Variants in COL1A1 observed in about 807,000 individuals in gnomAD.
COL1A1 encodes collagen type I alpha 1 chain, also known as collagen alpha-1(I) chain.
Under a neutral mutation model 195.7 loss-of-function variants are expected in COL1A1, and 21 were observed. That is an observed-to-expected ratio of 0.11 (90% confidence interval 0.08 to 0.15). The LOEUF is 0.15. COL1A1 is among the 10% of genes least tolerant of loss of function. COL1A1 has a pLI of 1.00. For synonymous variants in COL1A1, 749 were observed against 747.3 expected (o/e 1.00, Z -0.04); for missense variants, 1,365 against 2,051.0 (o/e 0.67, Z 6.46).
Position 50,185,163 on chromosome 17 carries a change from T to A in COL1A1, c.*339A>T, listed in dbSNP as rs1906368375. ...GGAGCAGAAAGGGCAGCATTGGGGT[T>A]TCATAAGCCCAACGGGCAGAAAGGG... On this transcript the variant is annotated 3_prime_UTR_variant, in exon 51 of 51. Transcript: ENST00000225964. 2 of 339,328 alleles carry A rather than the reference T, an allele frequency of 5.9e-6. No individual in the cohort carries two copies. Among genetic ancestry groups the A allele is most frequent in the South Asian group, 4.1e-5 (1 of 24,106 alleles). 21.0% of individuals were successfully genotyped at this position (339,328 alleles called of 1,614,324 possible).
rs768896689 is a variant in COL1A1, at chr17:50,187,105, A to G, written c.3441T>C (p.Ala1147=). The G allele has an allele frequency of 9.3e-6, 15 of 1,611,254 alleles. No homozygotes were observed. In the Admixed American group the frequency reaches 2.2e-4, roughly 24 times the overall value. Residue 1147 remains alanine (A), a synonymous_variant, in exon 47 of 51, where the codon GCT becomes GCC. Transcript: ENST00000225964. The part of the protein sequence containing the change: ...PAGPRGPPGS[A]GAPGKDGLNG... ...TGAGTCCATCTTTGCCAGGAGCACC[A>G]GCAGAGCCAGGGGGACCCTGGAGTG...
intron 1 of COL1A1, 105 bp from the exon 2 acceptor site, chr17:50,200,052 C>T (rs1452703270): frequency 1.6e-6 from 2 of 1,212,294 alleles, no homozygotes; most frequent in East Asian, 2.3e-5. Context: ...CACTTCCCGC[C>T]CCTCCCCCCG....
chr17:50,194,309 CAGGGCCTGGCCA>C lies in COL1A1; in HGVS notation c.1614+28_1614+39del, dbSNP rs1370735587. 1 of 1,609,958 alleles carries C rather than the reference CAGGGCCTGGCCA, an allele frequency of 6.2e-7. No individual in the cohort carries two copies. The highest frequency in any genetic ancestry group is 8.5e-7 in the Non-Finnish European group (1 of 1,176,592). On this transcript the variant is annotated intron_variant, in intron 23 of 50. Transcript: ENST00000225964. This position sits in a 1 kb window ranked among gnomAD's most constrained non-coding sequence, Gnocchi z 6.8. ...CATCCCAGACCCTACACGGGATGGT[CAGGGCCTGGCCA>C]AGCCAGGCTGAAAGCCTGGGGCCTC...
In COL1A1 at chr17:50,194,055, G is replaced by T; in HGVS notation, c.1669-14C>A. 1 of 1,613,008 alleles carries T rather than the reference G, an allele frequency of 6.2e-7. No homozygotes were observed. Among genetic ancestry groups the T allele is most frequent in the Non-Finnish European group, 8.5e-7 (1 of 1,179,060 alleles). The stretch of plus-strand genomic sequence containing the variant: ...ACCGGCGGGACCCTAAGGATGGGAG[G>T]CACGAAAGCAGCAGTGAGGACAGCA... On this transcript the variant is annotated splice_polypyrimidine_tract_variant and intron_variant, in intron 24 of 50. Coordinates refer to ENST00000225964, the MANE Select transcript of COL1A1 (RefSeq NM_000088.4). The surrounding 1 kb of genome is among the most constrained non-coding windows in gnomAD (Gnocchi z 6.8).
rs750152461 is a variant in COL1A1 at position 50,189,945 on chromosome 17, C to A, written c.2560-33G>T. ...AGAGCACAGAGGCATCAAGCCTGGA[C>A]CCGTCCTGGGTCCCAGCCCACCAGC... On this transcript the variant is annotated intron_variant, in intron 36 of 50. Coordinates refer to ENST00000225964, the MANE Select transcript of COL1A1 (RefSeq NM_000088.4). The surrounding 1 kb of genome is among the most constrained non-coding windows in gnomAD (Gnocchi z 5.5). 6.2e-7 allele frequency: 1 copy of A among 1,611,708 alleles called. No homozygotes were observed. The highest frequency in any genetic ancestry group is 1.1e-5 in the South Asian group (1 of 90,982).
chr17:50,195,873 A>G lies in COL1A1; in HGVS notation c.1056+50T>C, dbSNP rs1211604481. 1 of 1,549,084 alleles carries G rather than the reference A, an allele frequency of 6.5e-7. No individual in the cohort carries two copies. Among genetic ancestry groups the G allele is most frequent in the Non-Finnish European group, 8.7e-7 (1 of 1,143,072 alleles). The stretch of plus-strand genomic sequence containing the variant: ...TTGGTTTGGGGAACAGGGAGACATG[A>G]ACCCCTTGGCCCATGAGGGTCATGC... On this transcript the variant is annotated intron_variant, in intron 16 of 50. Coordinates refer to ENST00000225964, the MANE Select transcript of COL1A1 (RefSeq NM_000088.4). This position sits in a 1 kb window ranked among gnomAD's most constrained non-coding sequence, Gnocchi z 4.3.
chr17:50,199,458 G>A lies in COL1A1; in HGVS notation c.334-5C>T, dbSNP rs115997082. ...GCCAGTGTCTCCCTTGGGTCCCTGT[G>A]GGATTGGGGGAGAAGAAACAAGAGG... On this transcript the variant is annotated splice_region_variant and splice_polypyrimidine_tract_variant and intron_variant, in intron 3 of 50. Transcript: ENST00000225964. 48 of 1,614,066 alleles carry A rather than the reference G, an allele frequency of 3.0e-5. No homozygotes were observed. The highest frequency in any genetic ancestry group is 3.9e-5 in the Non-Finnish European group (46 of 1,180,008).
At position 50,197,963 on chromosome 17, in the gene COL1A1, C is replaced by T. The variant is rs766407680; in HGVS notation, c.628G>A (p.Glu210Lys). The change falls in exon 8 of 51, where the codon GAG (glutamate) becomes AAG (lysine). Residue 210 changes from glutamate to lysine, a missense_variant. Coordinates refer to ENST00000225964, the MANE Select transcript of COL1A1 (RefSeq NM_000088.4). ...GFQGPPGEPG[E>K]PGASGPMGPR... ...AGAGTGCTTACTGAAGCTCCAGGCT[C>T]GCCAGGCTCACCAGGGGGACCTTGG... 6.2e-6 allele frequency: 10 copies of T among 1,613,868 alleles called. No homozygotes were observed. Among genetic ancestry groups the T allele is most frequent in the Non-Finnish European group, 8.5e-6 (10 of 1,179,966 alleles).
chr17:50,199,637 G>T, intron 2 of COL1A1, 47 bp from the exon 3 acceptor site: 3 of 1,613,374 alleles, frequency 1.9e-6, no homozygotes, highest in Non-Finnish European at 2.5e-6. Context: ...TGCTAATGCT[G>T]CTCCCGTCGG....
rs764199608 is a variant in COL1A1, at chr17:50,188,507, G to A, written c.3207+23C>T. On this transcript the variant is annotated intron_variant, in intron 43 of 50. Transcript: ENST00000225964. The surrounding 1 kb of genome is among the most constrained non-coding windows in gnomAD (Gnocchi z 5.6). ...GAGTCCCTGGCCTGACCAGGTACAG[G>A]GAACTGGAGCCCAGCTACTTACAGT... 54 of 1,610,052 alleles carry A rather than the reference G, an allele frequency of 3.4e-5. No homozygotes were observed. Among genetic ancestry groups the A allele is most frequent in the Admixed American group, 8.3e-5 (5 of 60,002 alleles).
chr17:50,190,859 G>A lies in COL1A1; in HGVS notation c.2301C>T (p.Gly767=), dbSNP rs773279512. Reference sequence around the variant, plus strand: ...CAGCAGGGCCAGGAGGACCAATGGGGCCAGTCAGACCACGGACGCCATCTT... The same window carrying A: ...CAGCAGGGCCAGGAGGACCAATGGGACCAGTCAGACCACGGACGCCATCTT... The part of the protein sequence containing the change: ...PGKDGVRGLT[G]PIGPPGPAGA... Residue 767 remains glycine (G), a synonymous_variant, in exon 33 of 51, where the codon GGC becomes GGT. Transcript: ENST00000225964. The surrounding 1 kb of genome is among the most constrained non-coding windows in gnomAD (Gnocchi z 4.7). 5 of 1,613,820 alleles carry A rather than the reference G, an allele frequency of 3.1e-6. No homozygotes were observed. The African/African-American group carries it at 4.0e-5, about 13-fold the overall frequency.
intron 30 of COL1A1, 29 bp downstream of exon 30, chr17:50,191,951 G>A (rs1158345302): frequency 6.2e-7 from 1 of 1,611,540 alleles, no homozygotes; most frequent in Non-Finnish European, 8.5e-7. Context: ...GACGCACCTT[G>A]ACGGATGCAG....
chr17:50,192,824 A>G lies in COL1A1; in HGVS notation c.1848T>C (p.Ala616=). 6.2e-7 allele frequency: 1 copy of G among 1,613,400 alleles called. No homozygotes were observed. Among genetic ancestry groups the G allele is most frequent in the Non-Finnish European group, 8.5e-7 (1 of 1,179,820 alleles). ...AVGPAGKDGE[A]GAQGPPGPAG... is the part of the protein sequence containing the mutation. ...CAGGGCCAGGGGGTCCCTGAGCTCCAGCCTCTCCATCTTTGCCAGCAGGAC... is the reference window on the plus strand; with the variant it reads ...CAGGGCCAGGGGGTCCCTGAGCTCCGGCCTCTCCATCTTTGCCAGCAGGAC... Residue 616 remains alanine (A), a synonymous_variant, in exon 27 of 51, where the codon GCT becomes GCC. Coordinates refer to ENST00000225964, the MANE Select transcript of COL1A1 (RefSeq NM_000088.4).
chr17:50,191,820 C>T lies in COL1A1; in HGVS notation c.2095G>A (p.Ala699Thr). Residue 699 changes from alanine to threonine, a missense_variant, in exon 31 of 51, where the codon GCC becomes ACC. Around this residue, in one of 5 missense-constraint regions of COL1A1, gnomAD observed 671 missense variants for 1,099.9 expected, o/e 0.61. Coordinates refer to ENST00000225964, the MANE Select transcript of COL1A1 (RefSeq NM_000088.4). ...GPPGPAGPRGANGAPGNDGAK... is the reference protein window; with the variant it reads ...GPPGPAGPRGTNGAPGNDGAK... The stretch of plus-strand genomic sequence containing the variant: ...CCATCGTTGCCGGGAGCACCGTTGG[C>T]CCCTCGGGGACCAGCAGGACCAGGG... 1.3e-6 allele frequency: 2 copies of T among 1,598,898 alleles called. No individual in the cohort carries two copies. Among genetic ancestry groups the T allele is most frequent in the Non-Finnish European group, 1.7e-6 (2 of 1,172,144 alleles).
In COL1A1 at chr17:50,199,441, C is replaced by G; in HGVS notation, c.346G>C (p.Asp116His). The change falls in exon 4 of 51, where the codon GAC becomes CAC. Residue 116 changes from aspartate to histidine, a missense_variant. Coordinates refer to ENST00000225964, the MANE Select transcript of COL1A1 (RefSeq NM_000088.4). ...ACCCTTGGGCCTCGGGGGCCAGTGT[C>G]TCCCTTGGGTCCCTGTGGGATTGGG... ...ETTGVEGPKG[D>H]TGPRGPRGPA... The G allele has an allele frequency of 6.2e-7, 1 of 1,614,162 alleles. No individual in the cohort carries two copies. Among genetic ancestry groups the G allele is most frequent in the South Asian group, 1.1e-5 (1 of 91,088 alleles).
Position 50,195,280 on chromosome 17 carries a change from G to A in COL1A1, c.1251C>T (p.Pro417=), listed in dbSNP as rs781495963. The A allele has an allele frequency of 1.2e-6, 2 of 1,613,534 alleles. No homozygotes were observed. Among genetic ancestry groups the A allele is most frequent in the South Asian group, 1.1e-5 (1 of 91,070 alleles). ...GGCCGCCGGGGCCCTGGGGTCCAGAGGGGCCTCGGGCACCAGGGAAGCCAG... is the reference window on the plus strand; with the variant it reads ...GGCCGCCGGGGCCCTGGGGTCCAGAAGGGCCTCGGGCACCAGGGAAGCCAG... The part of the protein sequence containing the change: ...GAPGFPGARG[P]SGPQGPGGPP... The change falls in exon 19 of 51, where the codon CCC becomes CCT. Residue 417 remains proline (P), a synonymous_variant. Transcript: ENST00000225964. The surrounding 1 kb of genome is among the most constrained non-coding windows in gnomAD (Gnocchi z 4.3).
rs775117452 is a variant in COL1A1 at position 50,190,612 on chromosome 17, A to G, written c.2344-16T>C. On this transcript the variant is annotated splice_polypyrimidine_tract_variant and intron_variant, in intron 33 of 50. Transcript: ENST00000225964. The surrounding 1 kb of genome is among the most constrained non-coding windows in gnomAD (Gnocchi z 4.7). The stretch of plus-strand genomic sequence containing the variant: ...CACTTTCACCCTGAGAGCAAGGGAC[A>G]AGAGGCTCAGGGTCAGGGCCTCCCC... 6.2e-7 allele frequency: 1 copy of G among 1,612,776 alleles called. No homozygotes were observed. The highest frequency in any genetic ancestry group is 8.5e-7 in the Non-Finnish European group (1 of 1,179,264).
In COL1A1 at chr17:50,188,784, A is replaced by C. The variant is rs571381874; in HGVS notation, c.3057T>G (p.Gly1019=). 1 of 1,614,048 alleles carries C rather than the reference A, an allele frequency of 6.2e-7. No individual in the cohort carries two copies. Among genetic ancestry groups the C allele is most frequent in the African/African-American group, 1.3e-5 (1 of 74,968 alleles). The part of the protein sequence containing the change: ...PGESGREGAP[G]AEGSPGRDGS... ...CGTCTCGTCCAGGGGAACCTTCGGC[A>C]CCAGGAGCCCCCTGCAGAGAGAGAG... Residue 1019 remains glycine, a synonymous_variant, in exon 42 of 51, where the codon GGT becomes GGG. Transcript: ENST00000225964. This position sits in a 1 kb window ranked among gnomAD's most constrained non-coding sequence, Gnocchi z 5.6.
In COL1A1 at chr17:50,195,052, C is replaced by G. The variant is rs896085870; in HGVS notation, c.1348G>C (p.Glu450Gln). ...GSKGDTGAKG[E>Q]PGPVGVQGPP... ...AGGATGGCGGGGAGACTTACAGGCT[C>G]TCCCTTAGCACCAGTGTCTCCTTTG... The change falls in exon 20 of 51, where the codon GAG becomes CAG. Residue 450 changes from glutamate to glutamine, a missense_variant. Physicochemically the swap from Glu to Gln is conservative, Grantham distance 29. Transcript: ENST00000225964. This position sits in a 1 kb window ranked among gnomAD's most constrained non-coding sequence, Gnocchi z 4.3. 3.1e-6 allele frequency: 5 copies of G among 1,613,650 alleles called. No homozygotes were observed. Among genetic ancestry groups the G allele is most frequent in the Non-Finnish European group, 2.5e-6 (3 of 1,179,784 alleles).
Sources: allele counts gnomAD v4.1 joint callset, GRCh38; gene constraint gnomAD v4.1.1; regional missense constraint gnomAD v4.1.1; non-coding constraint Gnocchi (gnomAD v3.1); transcripts MANE v1.5; gene names NCBI Gene and HGNC (gene_info 2026-07-23, HGNC 2026-07-21).